SHISA9: variants seen among roughly 807,000 people sequenced by gnomAD.
SHISA9 encodes the protein shisa family member 9, also known as protein shisa-9.
Under a neutral mutation model 38.0 loss-of-function variants are expected in SHISA9, and 13 were observed. The observed-to-expected ratio is 0.34, with a 90% confidence interval of 0.22 to 0.54. SHISA9 has a LOEUF of 0.54. Among genes scored for constraint, SHISA9 ranks in the 20% least tolerant of loss-of-function variants. The pLI, the probability that SHISA9 is intolerant of heterozygous loss-of-function variation, is 0.91. For missense variants in SHISA9, 538 were observed against 575.8 expected (o/e 0.93, Z 0.67); for synonymous variants, 275 against 242.0 (o/e 1.14, Z -1.27).
intron 2 of SHISA9, among the ~76,000 whole-genome samples, chr16:12,947,780 G>A (rs1162499632): frequency 6.6e-6 from 1 of 152,190 alleles, no homozygotes; most frequent in East Asian, 1.9e-4. Context: ...GTATAGCTGC[G>A]AAATGGAGGC....
At chr16:13,519,829 T>C in the SHISA9 span, among the ~76,000 whole-genome samples, 1 of 152,146 alleles carries the variant, frequency 6.6e-6, no homozygotes, top group African/African-American at 2.4e-5. Flanking sequence ...GAGAACAGTA[T>C]GAAGGTAACT....
the SHISA9 span, among the ~76,000 whole-genome samples, chr16:13,367,726 A>G: frequency 4.9e-4 from 66 of 133,640 alleles, no homozygotes; most frequent in South Asian, 1.1e-3. Flanking sequence ...ACACACACAC[A>G]CACACACACA....
intron 2 of SHISA9, among the ~76,000 whole-genome samples, chr16:12,945,476 C>T (rs1266236941): frequency 1.3e-5 from 2 of 152,010 alleles, no homozygotes; most frequent in African/African-American, 4.8e-5. Context: ...ATAGGTACTC[C>T]TTGAAGAAAA....
chr16:13,160,327 T>C (rs2050584227), intron 2 of SHISA9, among the ~76,000 whole-genome samples: 1 of 152,184 alleles, frequency 6.6e-6, no homozygotes, highest in Non-Finnish European at 1.5e-5. Context: ...TTCAATCAGA[T>C]TTCCTATAAG....
At chr16:13,267,551 A>G in the SHISA9 span, among the ~76,000 whole-genome samples, 2 of 152,202 alleles carry the variant, frequency 1.3e-5, no homozygotes, top group Non-Finnish European at 2.9e-5. Context: ...CAAGACAGCA[A>G]TCGTAAATGC....
chr16:13,208,443 C>CTTTT lies in SHISA9; in HGVS notation c.848-4798_848-4795dup, dbSNP rs71395107. Among the ~76,000 whole-genome samples, 8 of 125,056 alleles carry CTTTT rather than the reference C, an allele frequency of 6.4e-5. 1 individual carries two copies. Among genetic ancestry groups the CTTTT allele is most frequent in the South Asian group, 5.1e-4 (2 of 3,938 alleles). 82.0% of individuals were successfully genotyped at this position (125,056 alleles called of 152,430 possible). A position where few individuals can be genotyped will look rare whatever the true frequency, so the allele number is the denominator to read the frequency against. On this transcript the variant is annotated intron_variant, in intron 3 of 4. Transcript: ENST00000558583. ...TTTTCCTTTCTTTTTCTTTTTTTTTCTTTTTTTTTTTTTTTGAGACAGAGT... is the reference window on the plus strand; with the variant it reads ...TTTTCCTTTCTTTTTCTTTTTTTTTCTTTTTTTTTTTTTTTTTTTGAGACAGAGT...
At chr16:13,163,884 A>C (rs1368204632) in intron 2 of SHISA9, among the ~76,000 whole-genome samples, 2 of 151,946 alleles carry the variant, frequency 1.3e-5, no homozygotes, top group African/African-American at 2.4e-5. Context: ...TTTTTTTTAG[A>C]TTCCAAAGAA....
chr16:12,911,818 AG>A (rs75216358), intron 1 of SHISA9, among the ~76,000 whole-genome samples: 21,561 of 152,176 alleles, frequency 0.14, 1,594 homozygotes, highest in South Asian at 0.28. Context: ...TTTGTTAAGA[AG>A]GGGGGCATTT....
chr16:13,392,085 G>T, the SHISA9 span, among the ~76,000 whole-genome samples: 3 of 152,098 alleles, frequency 2.0e-5, no homozygotes, highest in African/African-American at 4.8e-5. Context: ...TTCCTACCTG[G>T]TTTTTTCCTG....
the SHISA9 span, among the ~76,000 whole-genome samples, chr16:13,552,869 A>C: frequency 6.6e-6 from 1 of 152,090 alleles, no homozygotes; most frequent in Non-Finnish European, 1.5e-5. Flanking sequence ...CAAAAGCCAC[A>C]AAAGGAGCAA....
At chr16:13,462,722 G>A in the SHISA9 span, among the ~76,000 whole-genome samples, 1 of 152,092 alleles carries the variant, frequency 6.6e-6, no homozygotes, top group Non-Finnish European at 1.5e-5. Context: ...AGCAGTTTAG[G>A]AGGCCGAGGC....
chr16:13,063,608 A>C (rs1310672614), intron 2 of SHISA9, among the ~76,000 whole-genome samples: 2 of 152,196 alleles, frequency 1.3e-5, no homozygotes, highest in Non-Finnish European at 2.9e-5. Flanking sequence ...CTTTCTTTAC[A>C]TCAGGAAAGC....
the SHISA9 span, among the ~76,000 whole-genome samples, chr16:13,452,476 G>A: frequency 2.4e-3 from 369 of 152,238 alleles, 1 homozygote; most frequent in Middle Eastern, 0.01. Flanking sequence ...CAACCACTTG[G>A]CTGTGTTCCT....
the SHISA9 span, among the ~76,000 whole-genome samples, chr16:13,551,922 G>A: frequency 2.6e-5 from 4 of 152,268 alleles, no homozygotes; most frequent in East Asian, 7.7e-4. Context: ...AGCTACTGGG[G>A]ACGCTGAGGC....
the SHISA9 span, among the ~76,000 whole-genome samples, chr16:13,351,436 G>A: frequency 6.6e-6 from 1 of 152,156 alleles, no homozygotes; most frequent in Non-Finnish European, 1.5e-5. Flanking sequence ...ATGAATAGCA[G>A]AAGGATGAAC....
the SHISA9 span, chr16:13,332,388 C>G: frequency 6.6e-6 from 1 of 152,290 alleles, no homozygotes; most frequent in East Asian, 1.9e-4. Context: ...AGAGTAATCT[C>G]CATTTCTTGT....
chr16:13,397,419 T>G, the SHISA9 span, among the ~76,000 whole-genome samples: 1 of 148,572 alleles, frequency 6.7e-6, no homozygotes, highest in South Asian at 2.1e-4. Context: ...GTTTTTGGTT[T>G]GTTTGTTTGT....
the SHISA9 span, among the ~76,000 whole-genome samples, chr16:13,351,940 A>T: frequency 3.3e-5 from 5 of 152,224 alleles, no homozygotes; most frequent in African/African-American, 1.2e-4. Context: ...GCTGGAAGAC[A>T]GAGGGAGAAA....
chr16:13,302,569 C>T, the SHISA9 span, among the ~76,000 whole-genome samples: 1 of 152,136 alleles, frequency 6.6e-6, no homozygotes, highest in Non-Finnish European at 1.5e-5. Flanking sequence ...CCAGAGGCTC[C>T]CAGAAGGGGA....
Sources: gnomAD v4.1 joint callset for allele counts (sites outside exome capture counted in the v4.1 genomes callset) on GRCh38, gnomAD v4.1.1 for gene constraint, MANE v1.5 for transcripts, NCBI Gene and HGNC (gene_info 2026-07-23, HGNC 2026-07-21) for gene names.